ADAMTS19: variants seen among roughly 807,000 people sequenced by gnomAD.
ADAMTS19 encodes the protein A disintegrin and metalloproteinase with thrombospondin motifs 19.
ADAMTS19 carries 93 observed loss-of-function variants against 153.3 expected under a neutral mutation model. That is an observed-to-expected ratio of 0.61 (90% CI 0.51 to 0.72). The LOEUF (loss-of-function observed/expected upper bound fraction) is 0.72. Ranked by LOEUF, ADAMTS19 falls within the 30% of genes least tolerant of loss-of-function variation. The pLI, the probability that ADAMTS19 is intolerant of heterozygous loss-of-function variation, is 0.00. For missense variants in ADAMTS19, 1,482 were observed against 1,552.1 expected, an observed-to-expected ratio of 0.95 and a Z score of 0.76; for synonymous variants, 600 against 556.6, an observed-to-expected ratio of 1.08 and a Z score of -1.10.
chr5:129,586,871 C>G (rs1262770793), intron 7 of ADAMTS19, among the ~76,000 whole-genome samples: 2 of 152,112 alleles, frequency 1.3e-5, no homozygotes, highest in Admixed American at 1.3e-4. Flanking sequence ...TCTGTGTTGC[C>G]TTACAATTTT....
chr5:129,470,359 T>C (rs1363862243), intron 2 of ADAMTS19, among the ~76,000 whole-genome samples: 2 of 152,218 alleles, frequency 1.3e-5, no homozygotes, highest in South Asian at 2.1e-4. Context: ...ATCAGAGGAG[T>C]TGCAGGTTCC....
intron 10 of ADAMTS19, among the ~76,000 whole-genome samples, chr5:129,634,745 C>T (rs1561617126): frequency 6.6e-6 from 1 of 152,024 alleles, no homozygotes; most frequent in Non-Finnish European, 1.5e-5. Context: ...CAAAAATTAA[C>T]TCAAGATGGA....
intron 10 of ADAMTS19, among the ~76,000 whole-genome samples, chr5:129,638,566 C>G (rs1042100119): frequency 1.3e-5 from 1 of 77,466 alleles, no homozygotes; most frequent in Admixed American, 1.2e-4. Context: ...CTGTCTCACA[C>G]ACACACACAT....
At chr5:129,694,371 A>G (rs1755464507) in intron 18 of ADAMTS19, among the ~76,000 whole-genome samples, 1 of 152,172 alleles carries the variant, frequency 6.6e-6, no homozygotes, top group African/African-American at 2.4e-5. Flanking sequence ...TGGAAGAAAT[A>G]AGACCTGGTG....
chr5:129,504,394 T>A (rs1456113355), intron 2 of ADAMTS19, among the ~76,000 whole-genome samples: 1 of 152,198 alleles, frequency 6.6e-6, no homozygotes, highest in African/African-American at 2.4e-5. Context: ...TACAAATACA[T>A]ACATCACAAA....
At chr5:129,735,184 T>C in intron 22 of ADAMTS19, 75 bp downstream of exon 22, 1 of 1,339,582 alleles carries the variant, frequency 7.5e-7, no homozygotes, top group Non-Finnish European at 1.0e-6. Context: ...TGTATATTAC[T>C]TTAAACCTTG....
At chr5:129,550,713 C>CA (rs76560727) in intron 6 of ADAMTS19, among the ~76,000 whole-genome samples, 37,015 of 150,872 alleles carry the variant, frequency 0.25, 4,849 homozygotes, top group African/African-American at 0.32. Flanking sequence ...AATTTTAAGT[C>CA]TTTTTTTTAT....
At chr5:129,474,510 T>TC (rs898751410) in intron 2 of ADAMTS19, among the ~76,000 whole-genome samples, 16 of 152,032 alleles carry the variant, frequency 1.1e-4, no homozygotes, top group Non-Finnish European at 2.1e-4. Flanking sequence ...CATTTTATAT[T>TC]CCCCCCCAGT....
At chr5:129,610,138 G>A (rs1159037726) in intron 8 of ADAMTS19, among the ~76,000 whole-genome samples, 1 of 151,556 alleles carries the variant, frequency 6.6e-6, no homozygotes, top group Non-Finnish European at 1.5e-5. Context: ...CCAGAAATAC[G>A]AGGCAGTTCT....
chr5:129,697,458 T>A (rs1367007916), intron 19 of ADAMTS19, among the ~76,000 whole-genome samples: 1 of 152,204 alleles, frequency 6.6e-6, no homozygotes, highest in East Asian at 1.9e-4. Context: ...CAGGCAAATA[T>A]ATGCTTTTAA....
chr5:129,608,114 G>GTA lies in ADAMTS19; in HGVS notation c.1478+11451_1478+11452insAT, dbSNP rs1235116462. ...TATGTGTGTGTGTGTGTGTGTGTGT[G>GTA]TGTATATATATATATATATATATAT... is the stretch of plus-strand genomic sequence containing the variant. On this transcript the variant is annotated intron_variant, in intron 8 of 22. Coordinates refer to ENST00000274487, the MANE Select transcript of ADAMTS19 (RefSeq NM_133638.6). Among the ~76,000 whole-genome samples the GTA allele has an allele frequency of 8.8e-3, 251 of 28,672 alleles. 2 individuals are homozygous for GTA. Among genetic ancestry groups the GTA allele is most frequent in the African/African-American group, 0.016 (238 of 14,588 alleles). 18.8% of individuals were successfully genotyped at this position (28,672 alleles called of 152,430 possible). A position where few individuals can be genotyped will look rare whatever the true frequency, so the allele number is the denominator to read the frequency against.
At chr5:129,537,745 G>T (rs1278354306) in intron 6 of ADAMTS19, among the ~76,000 whole-genome samples, 3 of 151,884 alleles carry the variant, frequency 2.0e-5, no homozygotes, top group African/African-American at 4.8e-5. Flanking sequence ...ATGGACACAG[G>T]AAGGGGAACA....
chr5:129,492,284 A>G (rs1561537354), intron 2 of ADAMTS19, among the ~76,000 whole-genome samples: 1 of 152,208 alleles, frequency 6.6e-6, no homozygotes, highest in South Asian at 2.1e-4. Flanking sequence ...TAAACCATGC[A>G]CGAGAAATCT....
chr5:129,703,227 A>C (rs2127165172), intron 20 of ADAMTS19, among the ~76,000 whole-genome samples: 1 of 151,540 alleles, frequency 6.6e-6, no homozygotes, highest in Non-Finnish European at 1.5e-5. Context: ...GGAATACTTC[A>C]TACATATTCC....
intron 7 of ADAMTS19, among the ~76,000 whole-genome samples, chr5:129,569,477 C>A (rs1753824174): frequency 6.6e-6 from 1 of 152,048 alleles, no homozygotes; most frequent in South Asian, 2.1e-4. Flanking sequence ...CGCTAGCTAA[C>A]CTTTACACAC....
intron 8 of ADAMTS19, among the ~76,000 whole-genome samples, chr5:129,607,573 T>A (rs536479989): frequency 6.6e-6 from 1 of 152,320 alleles, no homozygotes; most frequent in African/African-American, 2.4e-5. Context: ...TATGATTTTA[T>A]GAGAAAATAT....
intron 7 of ADAMTS19, among the ~76,000 whole-genome samples, chr5:129,587,392 G>C (rs1329391346): frequency 6.6e-6 from 1 of 151,652 alleles, no homozygotes; most frequent in Non-Finnish European, 1.5e-5. Flanking sequence ...CTTGGTGACA[G>C]TTTATTGTCG....
At chr5:129,486,667 T>C (rs1750603578) in intron 2 of ADAMTS19, among the ~76,000 whole-genome samples, 1 of 152,048 alleles carries the variant, frequency 6.6e-6, no homozygotes, top group Non-Finnish European at 1.5e-5. Flanking sequence ...CCCCCTATTA[T>C]GAGAAATAAG....
chr5:129,486,480 G>C (rs1449255560), intron 2 of ADAMTS19, among the ~76,000 whole-genome samples: 3 of 152,000 alleles, frequency 2.0e-5, no homozygotes, highest in Admixed American at 6.6e-5. Context: ...AAATAAAAAA[G>C]AAAAATTATA....
Sources: gnomAD v4.1 joint callset for allele counts (sites outside exome capture counted in the v4.1 genomes callset) on GRCh38, gnomAD v4.1.1 for gene constraint, MANE v1.5 for transcripts, NCBI Gene and HGNC (gene_info 2026-07-23, HGNC 2026-07-21) for gene names.